NOS1: variants seen among roughly 807,000 people sequenced by gnomAD.
NOS1 encodes the protein nitric oxide synthase 1, also known as NOS type I.
NOS1 carries 51 observed loss-of-function variants against 164.5 expected under a neutral mutation model. The ratio of observed to expected loss-of-function variants is 0.31; its 90% CI spans 0.25 to 0.39. The LOEUF is 0.39. NOS1 is among the 10% of genes least tolerant of loss of function. The pLI is 1.00. For missense variants in NOS1, 1,362 were observed against 1,885.6 expected, an observed-to-expected ratio of 0.72 and a Z score of 5.14; for synonymous variants, 719 against 745.8, an observed-to-expected ratio of 0.96 and a Z score of 0.59.
In NOS1 at chr12:117,294,880, G is replaced by A. The variant is rs572537414; in HGVS notation, c.853-4454C>T. 1.6e-4 allele frequency among the ~76,000 whole-genome samples: 24 copies of A among 152,232 alleles called. 1 individual carries two copies. In the South Asian group the frequency reaches 4.8e-3, roughly 30 times the overall value. On this transcript the variant is annotated intron_variant, in intron 3 of 28. Coordinates refer to ENST00000317775, the MANE Select transcript of NOS1 (RefSeq NM_000620.5). ...TGCAAAGGAGGCCATGATCTCATGG[G>A]CATTTTCATAGCCTTGTCAACACCT...
rs549611283 is a variant in NOS1, at chr12:117,256,284, G to GTTGTGTTTTTTTTTTTTTTT, written c.2531+2112_2531+2113insAAAAAAAAAAAAAAACACAA. Among the ~76,000 whole-genome samples the GTTGTGTTTTTTTTTTTTTTT allele has an allele frequency of 1.4e-4, 17 of 118,446 alleles. 2 individuals carry two copies. The highest frequency in any genetic ancestry group is 5.7e-4 in the African/African-American group (15 of 26,148). The allele number at this position is 118,446 out of a possible 152,430, so 77.7% of individuals were successfully genotyped here. A position where few individuals can be genotyped will look rare whatever the true frequency, so the allele number is the denominator to read the frequency against. On this transcript the variant is annotated intron_variant, in intron 16 of 28. Coordinates refer to ENST00000317775, the MANE Select transcript of NOS1 (RefSeq NM_000620.5). ...CAAAGAAAATCAGAAGGGATTTTCT[G>GTTGTGTTTTTTTTTTTTTTT]TTTTTTTTTTTTGAGACGGAGTCTC...
chr12:117,347,039 C>T (rs1295483243), intron 1 of NOS1, among the ~76,000 whole-genome samples: 1 of 152,142 alleles, frequency 6.6e-6, no homozygotes, highest in Admixed American at 6.6e-5. Flanking sequence ...GTAATCCCAG[C>T]ACTTTGGGAG....
At position 117,209,000 on chromosome 12, in the gene NOS1, G is replaced by C. The variant is rs951260166; in HGVS notation, c.*6309C>G. 1 of 980,946 alleles carries C rather than the reference G, an allele frequency of 1.0e-6. No individual in the cohort carries two copies. Among genetic ancestry groups the C allele is most frequent in the Non-Finnish European group, 1.2e-6 (1 of 826,106 alleles). 60.8% of individuals were successfully genotyped at this position (980,946 alleles called of 1,614,324 possible). A position where few individuals can be genotyped will look rare whatever the true frequency, so the allele number is the denominator to read the frequency against. On this transcript the variant is annotated 3_prime_UTR_variant, in exon 29 of 29. Coordinates refer to ENST00000317775, the MANE Select transcript of NOS1 (RefSeq NM_000620.5). ...GGCCTCCCAAAGTCCTGTGATTACAGGCATGAGCCACCACGCCTGGCCTGG... is the reference window on the plus strand; with the variant it reads ...GGCCTCCCAAAGTCCTGTGATTACACGCATGAGCCACCACGCCTGGCCTGG...
chr12:117,321,155 G>A (rs772068105), intron 2 of NOS1, among the ~76,000 whole-genome samples: 2 of 152,088 alleles, frequency 1.3e-5, no homozygotes, highest in Non-Finnish European at 2.9e-5. Flanking sequence ...AATTACAGGT[G>A]TGTGCCACCA....
intron 1 of NOS1, among the ~76,000 whole-genome samples, chr12:117,340,779 A>C (rs1170681219): frequency 7.0e-6 from 1 of 143,516 alleles, no homozygotes; most frequent in Non-Finnish European, 1.5e-5. Flanking sequence ...GGCTGAGTGC[A>C]GTGGCGTGAT....
chr12:117,228,262 T>A (rs1324220707), intron 22 of NOS1, among the ~76,000 whole-genome samples: 1 of 152,174 alleles, frequency 6.6e-6, no homozygotes, highest in Non-Finnish European at 1.5e-5. Flanking sequence ...AACTGAGGGT[T>A]ATAGAGGTCC....
At chr12:117,334,465 C>G (rs1286941786) in intron 1 of NOS1, among the ~76,000 whole-genome samples, 2 of 152,108 alleles carry the variant, frequency 1.3e-5, no homozygotes, top group African/African-American at 4.8e-5. Flanking sequence ...GGTGCGATCT[C>G]AGCTCACTGC....
At chr12:117,254,670 C>T (rs771637267) in intron 16 of NOS1, among the ~76,000 whole-genome samples, 3 of 152,120 alleles carry the variant, frequency 2.0e-5, no homozygotes, top group Non-Finnish European at 4.4e-5. Flanking sequence ...CTGCAAACCT[C>T]CCTAGGTGAT....
rs1956545647 is a variant in NOS1, at chr12:117,212,584, A to T, written c.*2725T>A. On this transcript the variant is annotated 3_prime_UTR_variant, in exon 29 of 29. Coordinates refer to ENST00000317775, the MANE Select transcript of NOS1 (RefSeq NM_000620.5). Reference sequence around the variant, plus strand: ...AGGAGACGTCTCATTCCTCCTGGCCAAACTCACTTTTGTGAAATGGGGCTG... The same window carrying T: ...AGGAGACGTCTCATTCCTCCTGGCCTAACTCACTTTTGTGAAATGGGGCTG... 2 of 985,428 alleles carry T rather than the reference A, an allele frequency of 2.0e-6. No individual in the cohort carries two copies. Among genetic ancestry groups the T allele is most frequent in the African/African-American group, 1.7e-5 (1 of 57,352 alleles). 61.0% of individuals were successfully genotyped at this position (985,428 alleles called of 1,614,324 possible).
At chr12:117,346,006 T>C (rs998888402) in intron 1 of NOS1, among the ~76,000 whole-genome samples, 4 of 152,234 alleles carry the variant, frequency 2.6e-5, no homozygotes, top group Non-Finnish European at 4.4e-5. Context: ...GTGGGGACTG[T>C]AGAGAACTGG....
chr12:117,244,214 T>A (rs1050645963), intron 18 of NOS1, among the ~76,000 whole-genome samples: 6 of 152,348 alleles, frequency 3.9e-5, no homozygotes, highest in Non-Finnish European at 8.8e-5. Context: ...ACTTGTTCTT[T>A]GACTTTAACA....
chr12:117,321,494 G>A (rs1874918910), intron 2 of NOS1, among the ~76,000 whole-genome samples: 1 of 152,244 alleles, frequency 6.6e-6, no homozygotes, highest in African/African-American at 2.4e-5. Context: ...CTTATCCCAT[G>A]GCTCTTCCTC....
chr12:117,316,841 T>C (rs999512467), intron 2 of NOS1, among the ~76,000 whole-genome samples: 1 of 152,188 alleles, frequency 6.6e-6, no homozygotes, highest in Non-Finnish European at 1.5e-5. Flanking sequence ...GTGTTGAATA[T>C]ACTCATCTGT....
intron 22 of NOS1, among the ~76,000 whole-genome samples, chr12:117,229,589 T>TATC (rs1491349808): frequency 6.6e-6 from 1 of 152,090 alleles, no homozygotes; most frequent in Non-Finnish European, 1.5e-5. Flanking sequence ...TCTATCTATC[T>TATC]ATCTATCTAT....
intron 1 of NOS1, among the ~76,000 whole-genome samples, chr12:117,359,303 G>A (rs938999126): frequency 2.0e-5 from 3 of 152,228 alleles, no homozygotes; most frequent in East Asian, 3.9e-4. Flanking sequence ...GAATGGACGC[G>A]ACCCCTGCGC....
At chr12:117,306,261 C>T (rs1874141080) in intron 3 of NOS1, among the ~76,000 whole-genome samples, 1 of 152,134 alleles carries the variant, frequency 6.6e-6, no homozygotes, top group Non-Finnish European at 1.5e-5. Flanking sequence ...TTCAGTCTTA[C>T]CCCCTTTCTC....
intron 1 of NOS1, among the ~76,000 whole-genome samples, chr12:117,342,275 A>G: frequency 1.3e-5 from 2 of 152,234 alleles, no homozygotes; most frequent in East Asian, 3.8e-4. Flanking sequence ...TAAGATAGAC[A>G]GCATCCCTGC....
Position 117,343,261 on chromosome 12 carries a change from A to AGAGG in NOS1, c.-420-11776_-420-11773dup, listed in dbSNP as rs1296714137. ...AAAAAGAAGGAAGGAAGGAAGGAAG[A>AGAGG]GAGGGAGGGAGGGAGGAAGGAAGGA... On this transcript the variant is annotated intron_variant, in intron 1 of 28. Transcript: ENST00000317775. 5.2e-3 allele frequency among the ~76,000 whole-genome samples: 774 copies of AGAGG among 150,214 alleles called. 4 individuals carry two copies. Among genetic ancestry groups the AGAGG allele is most frequent in the African/African-American group, 0.017 (714 of 40,848 alleles).
chr12:117,339,729 A>C (rs1032893914), intron 1 of NOS1, among the ~76,000 whole-genome samples: 2 of 152,242 alleles, frequency 1.3e-5, no homozygotes, highest in African/African-American at 4.8e-5. Context: ...TAAAAAGACC[A>C]GACCAGTGAG....
Sources: allele counts gnomAD v4.1 joint callset (sites outside exome capture counted in the v4.1 genomes callset), GRCh38; gene constraint gnomAD v4.1.1; transcripts MANE v1.5; gene names NCBI Gene and HGNC (gene_info 2026-07-23, HGNC 2026-07-21).